Variants in CAMKMT observed in about 807,000 individuals in gnomAD.
CAMKMT encodes calmodulin-lysine N-methyltransferase.
Under a neutral mutation model 48.0 loss-of-function variants are expected in CAMKMT, and 53 were observed. The observed-to-expected ratio is 1.10, with a 90% CI of 0.89 to 1.39. The LOEUF is 1.39. Ranked by LOEUF, CAMKMT falls within the 40% of genes most tolerant of loss-of-function variation. The probability of loss-of-function intolerance (pLI) is 0.00; values close to 1 mark genes in which losing one functional copy is unlikely to be tolerated. For missense variants in CAMKMT, 428 were observed against 402.7 expected (o/e 1.06, Z -0.54); for synonymous variants, 165 against 152.3 (o/e 1.08, Z -0.61).
intron 3 of CAMKMT, among the ~76,000 whole-genome samples, chr2:44,464,676 A>T (rs763787018): frequency 2.0e-5 from 3 of 151,948 alleles, no homozygotes; most frequent in Non-Finnish European, 2.9e-5. Context: ...TGGAAGATAT[A>T]CTAAAAGTGC....
intron 7 of CAMKMT, among the ~76,000 whole-genome samples, chr2:44,716,231 C>T (rs1400778134): frequency 6.6e-6 from 1 of 152,156 alleles, no homozygotes; most frequent in African/African-American, 2.4e-5. Flanking sequence ...GGTAAAGACA[C>T]TTTCCCACCC....
chr2:44,539,293 A>AG (rs953892001), intron 3 of CAMKMT, among the ~76,000 whole-genome samples: 14 of 151,814 alleles, frequency 9.2e-5, no homozygotes, highest in African/African-American at 1.5e-4. Context: ...CAAAAAAAAA[A>AG]AAAAAAAACC....
intron 3 of CAMKMT, among the ~76,000 whole-genome samples, chr2:44,626,890 G>C (rs946579827): frequency 1.3e-5 from 2 of 152,138 alleles, no homozygotes; most frequent in African/African-American, 4.8e-5. Flanking sequence ...TAGTGCACTG[G>C]CTGGGAGATC....
chr2:44,400,400 A>G (rs1403946222), intron 3 of CAMKMT, among the ~76,000 whole-genome samples: 1 of 152,068 alleles, frequency 6.6e-6, no homozygotes, highest in African/African-American at 2.4e-5. Flanking sequence ...CATGGTAATT[A>G]TTATATGGAA....
intron 3 of CAMKMT, among the ~76,000 whole-genome samples, chr2:44,524,832 A>G (rs1462611344): frequency 6.6e-6 from 1 of 152,168 alleles, no homozygotes; most frequent in African/African-American, 2.4e-5. Context: ...GAATCCAGCA[A>G]ATGTTTTTGG....
At position 44,631,610 on chromosome 2, in the gene CAMKMT, T is replaced by G. The variant is rs1406211545; in HGVS notation, c.377-72673T>G. 7.9e-6 allele frequency: 4 copies of G among 505,664 alleles called. No homozygotes were observed. In the South Asian group the frequency reaches 1.1e-4, roughly 14 times the overall value. The allele number at this position is 505,664 out of a possible 1,614,324, so 31.3% of individuals were successfully genotyped here. ...GCCACTGCTCCCAGCTGTGTATGCA[T>G]TTCTTGCGGACAGTTGTATAGTTGG... On this transcript the variant is annotated intron_variant, in intron 3 of 10. Transcript: ENST00000378494.
chr2:44,632,966 A>G (rs1255032902), intron 3 of CAMKMT, among the ~76,000 whole-genome samples: 1 of 152,080 alleles, frequency 6.6e-6, no homozygotes, highest in Admixed American at 6.6e-5. Context: ...GTTAATACTT[A>G]ATAAACTCCC....
intron 3 of CAMKMT, among the ~76,000 whole-genome samples, chr2:44,652,707 A>G (rs1441321001): frequency 6.6e-6 from 1 of 152,202 alleles, no homozygotes; most frequent in East Asian, 1.9e-4. Flanking sequence ...CTTTAAGAGA[A>G]AAGGCGGGGT....
chr2:44,642,648 A>G (rs1269607909), intron 3 of CAMKMT, among the ~76,000 whole-genome samples: 1 of 151,982 alleles, frequency 6.6e-6, no homozygotes, highest in East Asian at 1.9e-4. Flanking sequence ...CCTGCTTGTG[A>G]GATAAGGTGT....
intron 3 of CAMKMT, among the ~76,000 whole-genome samples, chr2:44,609,944 C>T (rs948268566): frequency 6.6e-6 from 1 of 152,174 alleles, no homozygotes; most frequent in Non-Finnish European, 1.5e-5. Context: ...GTAAGACTTT[C>T]ATGACAAAGT....
chr2:44,558,822 A>C (rs1311458121), intron 3 of CAMKMT, among the ~76,000 whole-genome samples: 1 of 152,104 alleles, frequency 6.6e-6, no homozygotes, highest in Non-Finnish European at 1.5e-5. Context: ...AAAACTAACT[A>C]TTGGGTATTA....
intron 3 of CAMKMT, among the ~76,000 whole-genome samples, chr2:44,468,414 A>C (rs1449381731): frequency 1.3e-5 from 2 of 152,238 alleles, no homozygotes; most frequent in African/African-American, 4.8e-5. Flanking sequence ...ATGTAGATTA[A>C]TACAGCCATT....
In CAMKMT at chr2:44,772,209, C is replaced by A; in HGVS notation, c.*96C>A. ...TGTAAGGGGTATAATCGCCTGCCTG[C>A]GCCCTTTGCAGCATTTCACGTGTGG... On this transcript the variant is annotated 3_prime_UTR_variant, in exon 11 of 11. Coordinates refer to ENST00000378494, the MANE Select transcript of CAMKMT (RefSeq NM_024766.5). 1.0e-6 allele frequency: 1 copy of A among 997,404 alleles called. No homozygotes were observed. The highest frequency in any genetic ancestry group is 1.5e-6 in the Non-Finnish European group (1 of 648,916). 61.8% of individuals were successfully genotyped at this position (997,404 alleles called of 1,614,324 possible). A position where few individuals can be genotyped will look rare whatever the true frequency, so the allele number is the denominator to read the frequency against.
At chr2:44,703,886 G>A (rs900338827) in intron 3 of CAMKMT, among the ~76,000 whole-genome samples, 95 of 151,512 alleles carry the variant, frequency 6.3e-4, no homozygotes, top group Non-Finnish European at 6.2e-4. Flanking sequence ...GTGTGTGATC[G>A]TCCCATTTAT....
intron 8 of CAMKMT, among the ~76,000 whole-genome samples, chr2:44,746,271 T>G (rs1679914385): frequency 6.6e-6 from 1 of 152,248 alleles, no homozygotes; most frequent in Non-Finnish European, 1.5e-5. Flanking sequence ...CCAGTGGTAC[T>G]GCTTGATCCC....
In CAMKMT at chr2:44,361,993, G is replaced by A. The variant is rs560634865; in HGVS notation, c.-15G>A. 126 of 1,382,210 alleles carry A rather than the reference G, an allele frequency of 9.1e-5. No individual in the cohort carries two copies. Among genetic ancestry groups the A allele is most frequent in the Middle Eastern group, 5.1e-4 (2 of 3,916 alleles). The allele number at this position is 1,382,210 out of a possible 1,614,324, so 85.6% of individuals were successfully genotyped here. ...TGCGGCGGTGGCACCTCCGGGTGTGGAAGGCTCCAGTGAGATGGAGTCGCG... is the reference window on the plus strand; with the variant it reads ...TGCGGCGGTGGCACCTCCGGGTGTGAAAGGCTCCAGTGAGATGGAGTCGCG... On this transcript the variant is annotated 5_prime_UTR_variant, in exon 1 of 11. Coordinates refer to ENST00000378494, the MANE Select transcript of CAMKMT (RefSeq NM_024766.5).
intron 7 of CAMKMT, among the ~76,000 whole-genome samples, chr2:44,730,064 A>G (rs528063017): frequency 6.6e-6 from 1 of 152,212 alleles, no homozygotes; most frequent in African/African-American, 2.4e-5. Flanking sequence ...CCTTTTAGAC[A>G]AGAGGAAAGG....
chr2:44,435,456 A>G (rs1226032242), intron 3 of CAMKMT, among the ~76,000 whole-genome samples: 1 of 152,220 alleles, frequency 6.6e-6, no homozygotes, highest in African/African-American at 2.4e-5. Flanking sequence ...AATTGCAAGC[A>G]TTACCTAAAA....
chr2:44,704,461 A>G (rs1231684443), intron 4 of CAMKMT, 118 bp downstream of exon 4: 1 of 684,600 alleles, frequency 1.5e-6, no homozygotes, highest in Admixed American at 3.4e-5. Flanking sequence ...TAAGAAAAGA[A>G]AAACAGGAAG....
Sources: gnomAD v4.1 joint callset for allele counts (sites outside exome capture counted in the v4.1 genomes callset) on GRCh38, gnomAD v4.1.1 for gene constraint, MANE v1.5 for transcripts, NCBI Gene and HGNC (gene_info 2026-07-23, HGNC 2026-07-21) for gene names.